The following NAA11 variants were observed in gnomAD, a reference collection of about 807,000 sequenced individuals.
The protein encoded by NAA11 is N-alpha-acetyltransferase 11.
NAA11 carries 15 observed loss-of-function variants against 16.1 expected under a neutral mutation model. The observed-to-expected ratio is 0.93, with a 90% CI of 0.62 to 1.44. The LOEUF is 1.44. Among genes scored for constraint, NAA11 ranks in the 40% most tolerant of loss-of-function variants. NAA11 has a pLI of 0.00. For missense variants in NAA11, 298 were observed against 291.3 expected (o/e 1.02, Z -0.17); for synonymous variants, 122 against 112.4 (o/e 1.09, Z -0.54).
chr4:79,206,910 G>T, the NAA11 span, among the ~76,000 whole-genome samples: 5 of 152,000 alleles, frequency 3.3e-5, no homozygotes, highest in Non-Finnish European at 4.4e-5. Flanking sequence ...CAGCATCAAA[G>T]AACAAGAATT....
At chr4:79,308,086 G>A (rs1723642042) in intron 1 of NAA11, among the ~76,000 whole-genome samples, 2 of 151,746 alleles carry the variant, frequency 1.3e-5, no homozygotes, top group African/African-American at 4.8e-5. Context: ...AAAATTAAAA[G>A]AAGAAGAAGG....
intron 2 of NAA11, among the ~76,000 whole-genome samples, chr4:79,293,115 T>G (rs1240290489): frequency 6.6e-6 from 1 of 152,078 alleles, no homozygotes; most frequent in Non-Finnish European, 1.5e-5. Flanking sequence ...AGAGTGAAAG[T>G]TTTTTTTAAC....
chr4:79,187,965 C>G, the NAA11 span, among the ~76,000 whole-genome samples: 2 of 136,166 alleles, frequency 1.5e-5, no homozygotes, highest in African/African-American at 5.6e-5. Flanking sequence ...CGCCACTGCA[C>G]TCCAGCCTGG....
the NAA11 span, among the ~76,000 whole-genome samples, chr4:79,196,725 G>A: frequency 6.6e-6 from 1 of 151,786 alleles, no homozygotes; most frequent in Non-Finnish European, 1.5e-5. Flanking sequence ...AGAGATTAAG[G>A]TTGTAGATGA....
the NAA11 span, among the ~76,000 whole-genome samples, chr4:79,174,449 A>C: frequency 6.6e-6 from 1 of 152,096 alleles, no homozygotes; most frequent in Non-Finnish European, 1.5e-5. Flanking sequence ...GTTGTGGATC[A>C]CTGGCAATAA....
intron 2 of NAA11, among the ~76,000 whole-genome samples, chr4:79,231,260 A>G (rs1721457052): frequency 6.6e-6 from 1 of 151,954 alleles, no homozygotes; most frequent in Non-Finnish European, 1.5e-5. Context: ...AAATAGGTAG[A>G]ATTAGCAATT....
chr4:79,310,827 T>C (rs1421107931), intron 1 of NAA11, among the ~76,000 whole-genome samples: 2 of 152,154 alleles, frequency 1.3e-5, no homozygotes, highest in African/African-American at 4.8e-5. Context: ...GACCGATAGA[T>C]TTAACTATGG....
chr4:79,193,367 G>A, the NAA11 span, among the ~76,000 whole-genome samples: 1 of 151,936 alleles, frequency 6.6e-6, no homozygotes, highest in Non-Finnish European at 1.5e-5. Flanking sequence ...GGTCTAACAT[G>A]TAAGTCTTTA....
the NAA11 span, among the ~76,000 whole-genome samples, chr4:79,218,581 A>G: frequency 6.6e-6 from 1 of 152,070 alleles, no homozygotes; most frequent in African/African-American, 2.4e-5. Context: ...ATACTTTATT[A>G]CCTATCAGGA....
At chr4:79,288,237 G>A (rs899463185) in intron 2 of NAA11, among the ~76,000 whole-genome samples, 1 of 152,056 alleles carries the variant, frequency 6.6e-6, no homozygotes, top group Non-Finnish European at 1.5e-5. Context: ...CCCCCAGTCT[G>A]TATTAGCAGA....
chr4:79,170,657 A>T, the NAA11 span, among the ~76,000 whole-genome samples: 1 of 152,182 alleles, frequency 6.6e-6, no homozygotes, highest in Non-Finnish European at 1.5e-5. Flanking sequence ...AACTTCAAGA[A>T]AACTTGAGAA....
chr4:79,321,839 GATAACT>G (rs1724097616), intron 1 of NAA11, among the ~76,000 whole-genome samples: 1 of 152,228 alleles, frequency 6.6e-6, no homozygotes, highest in Admixed American at 6.5e-5. Flanking sequence ...AAAATAGTTT[GATAACT>G]ATATCAATGA....
chr4:79,262,325 A>C (rs1289645167), intron 2 of NAA11, among the ~76,000 whole-genome samples: 3 of 152,182 alleles, frequency 2.0e-5, no homozygotes, highest in African/African-American at 2.4e-5. Context: ...AGAATTAATG[A>C]GTTTAGAAGA....
chr4:79,251,241 G>A (rs1309523033), intron 2 of NAA11, among the ~76,000 whole-genome samples: 1 of 152,158 alleles, frequency 6.6e-6, no homozygotes, highest in Non-Finnish European at 1.5e-5. Context: ...CCCATCAATG[G>A]TAGATCGTAT....
the NAA11 span, among the ~76,000 whole-genome samples, chr4:79,189,659 C>G: frequency 6.6e-6 from 1 of 152,168 alleles, no homozygotes; most frequent in African/African-American, 2.4e-5. Context: ...TGATTAGAAA[C>G]TTGATTAGTA....
chr4:79,169,678 C>T, the NAA11 span, among the ~76,000 whole-genome samples: 1 of 152,180 alleles, frequency 6.6e-6, no homozygotes, highest in Non-Finnish European at 1.5e-5. Flanking sequence ...CCATTCAGGA[C>T]ATAGGCATGG....
At chr4:79,184,572 G>T in the NAA11 span, among the ~76,000 whole-genome samples, 1 of 152,190 alleles carries the variant, frequency 6.6e-6, no homozygotes, top group Non-Finnish European at 1.5e-5. Context: ...ACTGCTGGAT[G>T]CTAGGTAGAG....
chr4:79,202,569 A>T, the NAA11 span, among the ~76,000 whole-genome samples: 3 of 137,536 alleles, frequency 2.2e-5, no homozygotes, highest in Non-Finnish European at 4.8e-5. Flanking sequence ...ATATGTAGTT[A>T]TATATATATA....
chr4:79,260,912 TAA>T (rs956789372), intron 2 of NAA11, among the ~76,000 whole-genome samples: 1 of 152,238 alleles, frequency 6.6e-6, no homozygotes. Flanking sequence ...ATTACTTTTG[TAA>T]AGTCTTTTCA....
Sources: allele counts gnomAD v4.1 joint callset (sites outside exome capture counted in the v4.1 genomes callset), GRCh38; gene constraint gnomAD v4.1.1; transcripts MANE v1.5; gene names NCBI Gene and HGNC (gene_info 2026-07-23, HGNC 2026-07-21).